Variants in DSCAML1 observed in about 807,000 individuals in gnomAD.
The protein encoded by DSCAML1 is DS cell adhesion molecule like 1, also known as cell adhesion molecule DSCAML1.
DSCAML1 carries 38 observed loss-of-function variants against 200.5 expected under a neutral mutation model. That is an observed-to-expected ratio of 0.19 (90% CI 0.15 to 0.25). The LOEUF is 0.25. Ranked by LOEUF, DSCAML1 falls within the 10% of genes least tolerant of loss-of-function variation. The probability of loss-of-function intolerance (pLI) is 1.00; values close to 1 mark genes in which losing one functional copy is unlikely to be tolerated. For synonymous variants in DSCAML1, 1,215 were observed against 1,165.0 expected, an observed-to-expected ratio of 1.04 and a Z score of -0.87; for missense variants, 2,223 against 2,858.8, an observed-to-expected ratio of 0.78 and a Z score of 5.07.
chr11:117,629,510 C>T (rs972417265), intron 3 of DSCAML1, among the ~76,000 whole-genome samples: 2 of 152,076 alleles, frequency 1.3e-5, no homozygotes, highest in Admixed American at 6.6e-5. Context: ...GACAAGGGGG[C>T]CTGGACAGAC....
At chr11:117,709,294 G>T (rs892042844) in intron 3 of DSCAML1, among the ~76,000 whole-genome samples, 3 of 152,210 alleles carry the variant, frequency 2.0e-5, no homozygotes, top group Non-Finnish European at 4.4e-5. Context: ...TAAGGTCAAG[G>T]TGCCAATGGG....
chr11:117,534,778 TA>T (rs1005989280), intron 3 of DSCAML1, among the ~76,000 whole-genome samples: 2 of 151,834 alleles, frequency 1.3e-5, no homozygotes, highest in East Asian at 1.9e-4. Flanking sequence ...ACTGGCTAGC[TA>T]AAAAAAAATT....
chr11:117,616,082 C>T (rs117698420), intron 3 of DSCAML1, among the ~76,000 whole-genome samples: 4 of 152,300 alleles, frequency 2.6e-5, no homozygotes, highest in Non-Finnish European at 5.9e-5. Context: ...CTGTAATTGA[C>T]AGAGTCACAA....
chr11:117,515,766 A>C (rs1010215683), intron 8 of DSCAML1, among the ~76,000 whole-genome samples: 1 of 151,714 alleles, frequency 6.6e-6, no homozygotes, highest in Middle Eastern at 3.4e-3. Context: ...GATTACAGGC[A>C]CCTACCACCA....
At chr11:117,553,526 G>A (rs1029264825) in intron 3 of DSCAML1, among the ~76,000 whole-genome samples, 1 of 152,194 alleles carries the variant, frequency 6.6e-6, no homozygotes, top group African/African-American at 2.4e-5. Context: ...AATAAGTACA[G>A]GAAAAGATGC....
intron 3 of DSCAML1, among the ~76,000 whole-genome samples, chr11:117,612,475 C>T (rs2051716633): frequency 6.6e-6 from 1 of 152,174 alleles, no homozygotes; most frequent in Admixed American, 6.5e-5. Flanking sequence ...CTAGTCCCTG[C>T]TGTGGATCAA....
At chr11:117,461,110 A>G (rs908328491) in intron 18 of DSCAML1, among the ~76,000 whole-genome samples, 1 of 151,970 alleles carries the variant, frequency 6.6e-6, no homozygotes, top group Non-Finnish European at 1.5e-5. Flanking sequence ...CATGCCCCCA[A>G]CACTTCCCCA....
In DSCAML1 at chr11:117,797,173, A is replaced by G; in HGVS notation, c.-94T>C. 3 of 1,576,538 alleles carry G rather than the reference A, an allele frequency of 1.9e-6. No homozygotes were observed. Among genetic ancestry groups the G allele is most frequent in the Non-Finnish European group, 2.6e-6 (3 of 1,163,600 alleles). ...GCTCAGCGCGCTCCCAGCCGCCCGC[A>G]CTCGGCGCCCCGCTCTCTCTGCTCC... On this transcript the variant is annotated 5_prime_UTR_variant, in exon 1 of 33. Coordinates refer to ENST00000651296, the MANE Select transcript of DSCAML1 (RefSeq NM_020693.4).
In DSCAML1 at chr11:117,787,158, G is replaced by A. The variant is rs188600057; in HGVS notation, c.47-6348C>T. Among the ~76,000 whole-genome samples the A allele has an allele frequency of 4.8e-3, 731 of 152,302 alleles. 6 individuals are homozygous for A. The highest frequency in any genetic ancestry group is 0.017 in the African/African-American group (690 of 41,538). ...CTTACAAGCAGTGTGTGTAACCCCAGGCAAGACTGCCTCACCTTTCTGTGC... is the reference window on the plus strand; with the variant it reads ...CTTACAAGCAGTGTGTGTAACCCCAAGCAAGACTGCCTCACCTTTCTGTGC... On this transcript the variant is annotated intron_variant, in intron 1 of 32. Transcript: ENST00000651296.
At chr11:117,497,929 G>C (rs1399670186) in intron 11 of DSCAML1, among the ~76,000 whole-genome samples, 1 of 152,214 alleles carries the variant, frequency 6.6e-6, no homozygotes, top group South Asian at 2.1e-4. Context: ...AGTCCATCCC[G>C]TCCCCCACTC....
At chr11:117,528,163 C>A (rs957591165) in intron 4 of DSCAML1, among the ~76,000 whole-genome samples, 2 of 152,194 alleles carry the variant, frequency 1.3e-5, no homozygotes, top group African/African-American at 4.8e-5. Flanking sequence ...GTGGCCTCTT[C>A]TCCCACCCCC....
At chr11:117,747,782 A>G (rs1299668056) in intron 3 of DSCAML1, among the ~76,000 whole-genome samples, 1 of 152,154 alleles carries the variant, frequency 6.6e-6, no homozygotes, top group Non-Finnish European at 1.5e-5. Flanking sequence ...TGCATGTGGG[A>G]TGCAGTGCTG....
chr11:117,748,229 C>G (rs2054548888), intron 3 of DSCAML1, among the ~76,000 whole-genome samples: 1 of 152,196 alleles, frequency 6.6e-6, no homozygotes. Flanking sequence ...ACTAAATATT[C>G]TCTCTCCCTG....
chr11:117,729,882 C>A (rs2137814886), intron 3 of DSCAML1, among the ~76,000 whole-genome samples: 1 of 152,270 alleles, frequency 6.6e-6, no homozygotes, highest in East Asian at 1.9e-4. Flanking sequence ...CAAGTGGGCC[C>A]AATGTAATTG....
At chr11:117,533,384 C>T (rs1382914977) in intron 3 of DSCAML1, among the ~76,000 whole-genome samples, 1 of 152,164 alleles carries the variant, frequency 6.6e-6, no homozygotes, top group Non-Finnish European at 1.5e-5. Context: ...ACTTCTGACT[C>T]CCAGTTGTCC....
chr11:117,708,822 G>A (rs2053796402), intron 3 of DSCAML1, among the ~76,000 whole-genome samples: 1 of 152,198 alleles, frequency 6.6e-6, no homozygotes. Flanking sequence ...CAGAGAGCCA[G>A]ACACATGGCA....
intron 6 of DSCAML1, among the ~76,000 whole-genome samples, chr11:117,519,741 A>T (rs2049850986): frequency 1.3e-5 from 2 of 152,108 alleles, no homozygotes; most frequent in East Asian, 3.9e-4. Context: ...GATTGCTTGA[A>T]CTCAGGAGTT....
intron 3 of DSCAML1, among the ~76,000 whole-genome samples, chr11:117,656,337 T>A (rs145883660): frequency 5.4e-4 from 82 of 152,320 alleles, no homozygotes; most frequent in African/African-American, 1.9e-3. Flanking sequence ...CACGTTCGAC[T>A]AGGAACTGAG....
intron 3 of DSCAML1, among the ~76,000 whole-genome samples, chr11:117,564,755 C>T (rs55637767): frequency 0.014 from 2,058 of 148,640 alleles, 53 homozygotes; most frequent in African/African-American, 0.047. Context: ...TTCTCTCTCT[C>T]TCTTTCTTTC....
Sources: gnomAD v4.1 joint callset for allele counts (sites outside exome capture counted in the v4.1 genomes callset) on GRCh38, gnomAD v4.1.1 for gene constraint, MANE v1.5 for transcripts, NCBI Gene and HGNC (gene_info 2026-07-23, HGNC 2026-07-21) for gene names.